SH2D4B: variants seen among roughly 807,000 people sequenced by gnomAD.
The protein encoded by SH2D4B is SH2 domain containing 4B.
A neutral mutation model predicts 61.5 loss-of-function variants in SH2D4B; 45 were observed. The observed-to-expected ratio is 0.73, with a 90% CI of 0.58 to 0.94. The LOEUF (loss-of-function observed/expected upper bound fraction) is 0.94, where lower values mean the gene tolerates loss of function less well. Ranked by LOEUF, SH2D4B falls within the 40% of genes least tolerant of loss-of-function variation. The probability of loss-of-function intolerance (pLI) is 0.00; values close to 1 mark genes in which losing one functional copy is unlikely to be tolerated. For synonymous variants in SH2D4B, 224 were observed against 220.4 expected, an observed-to-expected ratio of 1.02 and a Z score of -0.14; for missense variants, 572 against 574.2, an observed-to-expected ratio of 1.00 and a Z score of 0.04.
At chr10:80,573,840 C>T (rs1368940581) in intron 3 of SH2D4B, among the ~76,000 whole-genome samples, 1 of 152,016 alleles carries the variant, frequency 6.6e-6, no homozygotes, top group Non-Finnish European at 1.5e-5. Flanking sequence ...ATTATTTTGT[C>T]ATTATCTCCC....
intron 3 of SH2D4B, among the ~76,000 whole-genome samples, chr10:80,583,613 T>C (rs1842209704): frequency 1.3e-5 from 2 of 152,136 alleles, no homozygotes; most frequent in South Asian, 4.2e-4. Flanking sequence ...GAGGTTACAG[T>C]GAGCCAAAAT....
At chr10:80,609,380 T>G (rs1456109754) in intron 5 of SH2D4B, 44 bp from the exon 6 acceptor site, 1 of 1,548,582 alleles carries the variant, frequency 6.5e-7, no homozygotes, top group Non-Finnish European at 8.8e-7. Context: ...CCGCTCTTTC[T>G]CCCTCCCTGA....
At position 80,644,661 on chromosome 10, in the gene SH2D4B, T is replaced by C. The variant is rs1005230946; in HGVS notation, c.*576T>C. 2 of 152,236 alleles carry C rather than the reference T, an allele frequency of 1.3e-5. No individual in the cohort carries two copies. Among genetic ancestry groups the C allele is most frequent in the African/African-American group, 4.8e-5 (2 of 41,446 alleles). The allele number at this position is 152,236 out of a possible 1,614,324, so 9.4% of individuals were successfully genotyped here. A position where few individuals can be genotyped will look rare whatever the true frequency, so the allele number is the denominator to read the frequency against. ...ATATTATCATTGGAATTATCTAAGG[T>C]GAGCCCCAGTTTCCAGGGCAGCTGA... On this transcript the variant is annotated 3_prime_UTR_variant, in exon 8 of 8. Transcript: ENST00000646907.
intron 1 of SH2D4B, among the ~76,000 whole-genome samples, chr10:80,542,290 C>G (rs937256609): frequency 6.6e-6 from 1 of 152,052 alleles, no homozygotes; most frequent in Non-Finnish European, 1.5e-5. Context: ...CTCAGTCATC[C>G]CAGGTTCTCA....
chr10:80,611,910 G>A (rs1414839218), intron 6 of SH2D4B, among the ~76,000 whole-genome samples: 1 of 151,676 alleles, frequency 6.6e-6, no homozygotes, highest in Non-Finnish European at 1.5e-5. Flanking sequence ...ATGCAGAAAA[G>A]TTGCTGTTAC....
At chr10:80,636,952 A>G (rs574085019) in intron 7 of SH2D4B, among the ~76,000 whole-genome samples, 1 of 152,250 alleles carries the variant, frequency 6.6e-6, no homozygotes, top group South Asian at 2.1e-4. Context: ...ATCCATCTTG[A>G]ATTAATTTTT....
chr10:80,549,199 TTGATTG>T (rs1172080326), intron 1 of SH2D4B, among the ~76,000 whole-genome samples: 48 of 9,204 alleles, frequency 5.2e-3, no homozygotes, highest in Non-Finnish European at 6.6e-3. Context: ...GTGATGGGAC[TTGATTG>T]TGTGTGTGTG....
In SH2D4B at chr10:80,570,918, A is replaced by G. The variant is rs1589339200; in HGVS notation, c.348-513A>G. Reference sequence around the variant, plus strand: ...GAGACAGGGTCTCACTCTGTTTCCCAGGCTGGAGTGCAGTGTCATGATCAA... The same window carrying G: ...GAGACAGGGTCTCACTCTGTTTCCCGGGCTGGAGTGCAGTGTCATGATCAA... On this transcript the variant is annotated intron_variant, in intron 2 of 7. Transcript: ENST00000646907. Among the ~76,000 whole-genome samples, 3 of 152,248 alleles carry G rather than the reference A, an allele frequency of 2.0e-5. No homozygotes were observed. The South Asian group carries it at 6.2e-4, about 32-fold the overall frequency.
chr10:80,631,724 G>C (rs1842836465), intron 6 of SH2D4B, among the ~76,000 whole-genome samples: 1 of 152,076 alleles, frequency 6.6e-6, no homozygotes, highest in South Asian at 2.1e-4. Context: ...AATACCTCAT[G>C]ATCTCACTTA....
chr10:80,609,371 C>G, intron 5 of SH2D4B, 53 bp from the exon 6 acceptor site: 1 of 1,576,126 alleles, frequency 6.3e-7, no homozygotes, highest in Non-Finnish European at 8.6e-7. Context: ...CCTCTCCCTC[C>G]GCTCTTTCTC....
chr10:80,600,685 G>A (rs1383986191), intron 4 of SH2D4B, among the ~76,000 whole-genome samples: 2 of 152,184 alleles, frequency 1.3e-5, no homozygotes, highest in African/African-American at 4.8e-5. Flanking sequence ...TTGAGGAAGA[G>A]AATGGTAAGA....
intron 4 of SH2D4B, among the ~76,000 whole-genome samples, chr10:80,593,324 C>T (rs2132133309): frequency 6.6e-6 from 1 of 152,322 alleles, no homozygotes; most frequent in East Asian, 1.9e-4. Context: ...TCTTCCAATT[C>T]ATGATCACAG....
chr10:80,548,732 C>A (rs991690564), intron 1 of SH2D4B, among the ~76,000 whole-genome samples: 8 of 152,188 alleles, frequency 5.3e-5, no homozygotes, highest in Non-Finnish European at 8.8e-5. Flanking sequence ...CTGGCAGATC[C>A]CCTTGGAATT....
intron 1 of SH2D4B, among the ~76,000 whole-genome samples, chr10:80,541,485 C>A (rs1354623041): frequency 1.3e-5 from 2 of 152,176 alleles, no homozygotes; most frequent in Admixed American, 1.3e-4. Flanking sequence ...TGTTTGCTGG[C>A]CCCTTGGGAT....
chr10:80,581,880 T>G (rs1357585396), intron 3 of SH2D4B, among the ~76,000 whole-genome samples: 1 of 152,106 alleles, frequency 6.6e-6, no homozygotes, highest in South Asian at 2.1e-4. Context: ...CAGGGGTGGG[T>G]CCTTTGGTAT....
In SH2D4B at chr10:80,556,174, A is replaced by T. The variant is rs561690309; in HGVS notation, c.185-13980A>T. On this transcript the variant is annotated intron_variant, in intron 1 of 7. Coordinates refer to ENST00000646907, the MANE Select transcript of SH2D4B (RefSeq NM_001388272.1). The stretch of plus-strand genomic sequence containing the variant: ...CACATGAATGTCTAATTTTTCTAGT[A>T]CTATTTGTTGAAAAAAATCCTTTCT... Among the ~76,000 whole-genome samples the T allele has an allele frequency of 1.6e-4, 24 of 151,594 alleles. No individual in the cohort carries two copies. In the East Asian group the frequency reaches 2.7e-3, roughly 17 times the overall value.
intron 4 of SH2D4B, among the ~76,000 whole-genome samples, chr10:80,591,344 C>A (rs1229220309): frequency 6.6e-6 from 1 of 151,904 alleles, no homozygotes; most frequent in Non-Finnish European, 1.5e-5. Flanking sequence ...GAGTGACTTA[C>A]AAAGAAAATA....
At chr10:80,641,002 A>G (rs1375866096) in intron 7 of SH2D4B, among the ~76,000 whole-genome samples, 2 of 152,124 alleles carry the variant, frequency 1.3e-5, no homozygotes, top group Non-Finnish European at 2.9e-5. Context: ...GTTGATGTTG[A>G]TGCTATTCCT....
At chr10:80,573,468 G>A (rs1462864722) in intron 3 of SH2D4B, among the ~76,000 whole-genome samples, 1 of 152,074 alleles carries the variant, frequency 6.6e-6, no homozygotes, top group Non-Finnish European at 1.5e-5. Flanking sequence ...TTGTTTATAT[G>A]TCTTTCCTGA....
Sources: allele counts gnomAD v4.1 joint callset (sites outside exome capture counted in the v4.1 genomes callset), GRCh38; gene constraint gnomAD v4.1.1; transcripts MANE v1.5; gene names NCBI Gene and HGNC (gene_info 2026-07-23, HGNC 2026-07-21).